The following SLC24A3 variants were observed in gnomAD, a reference collection of about 807,000 sequenced individuals.
The protein encoded by SLC24A3 is solute carrier family 24 member 3, also known as sodium/potassium/calcium exchanger 3.
Under a neutral mutation model 75.8 loss-of-function variants are expected in SLC24A3, and 28 were observed. The observed-to-expected ratio is 0.37, with a 90% confidence interval of 0.27 to 0.51. SLC24A3 has a LOEUF of 0.51. Ranked by LOEUF, SLC24A3 falls within the 20% of genes least tolerant of loss-of-function variation. SLC24A3 has a pLI of 0.94. For missense variants in SLC24A3, 663 were observed against 847.8 expected, an observed-to-expected ratio of 0.78 and a Z score of 2.71; for synonymous variants, 372 against 334.1, an observed-to-expected ratio of 1.11 and a Z score of -1.24.
intron 1 of SLC24A3, among the ~76,000 whole-genome samples, chr20:19,238,550 T>C (rs954144684): frequency 6.6e-6 from 1 of 152,202 alleles, no homozygotes; most frequent in South Asian, 2.1e-4. Flanking sequence ...TTTTCCAACA[T>C]GGAGGTACCT....
intron 9 of SLC24A3, among the ~76,000 whole-genome samples, chr20:19,677,731 T>C (rs1394080763): frequency 6.7e-6 from 1 of 150,102 alleles, no homozygotes; most frequent in Non-Finnish European, 1.5e-5. Context: ...TTTTTATTGA[T>C]CATTCTTGGG....
In SLC24A3 at chr20:19,269,137, T is replaced by C. The variant is rs566193220; in HGVS notation, c.143-11822T>C. On this transcript the variant is annotated intron_variant, in intron 1 of 16. Transcript: ENST00000328041. ...AGATTTGCATCAATAAAATTAAAAATTCAGCTTCCAGTTGTATAGTCTTAT... is the reference window on the plus strand; with the variant it reads ...AGATTTGCATCAATAAAATTAAAAACTCAGCTTCCAGTTGTATAGTCTTAT... 1.5e-4 allele frequency among the ~76,000 whole-genome samples: 23 copies of C among 152,330 alleles called. No homozygotes were observed. In the South Asian group the frequency reaches 4.6e-3, roughly 30 times the overall value.
At chr20:19,312,801 C>A (rs1237934783) in intron 2 of SLC24A3, among the ~76,000 whole-genome samples, 1 of 152,078 alleles carries the variant, frequency 6.6e-6, no homozygotes, top group African/African-American at 2.4e-5. Context: ...TTCCCATGTG[C>A]TTCTGAGGTT....
chr20:19,429,517 A>C (rs185540507), intron 2 of SLC24A3, among the ~76,000 whole-genome samples: 1 of 152,204 alleles, frequency 6.6e-6, no homozygotes, highest in Admixed American at 6.5e-5. Context: ...CATTCAGGAG[A>C]CACTGTTCTT....
chr20:19,259,598 C>T (rs900231082), intron 1 of SLC24A3, among the ~76,000 whole-genome samples: 4 of 152,176 alleles, frequency 2.6e-5, no homozygotes, highest in African/African-American at 4.8e-5. Flanking sequence ...TGGAACACAT[C>T]GAGCTTGACC....
intron 1 of SLC24A3, among the ~76,000 whole-genome samples, chr20:19,277,764 T>A (rs960822634): frequency 6.6e-6 from 1 of 152,246 alleles, no homozygotes; most frequent in Non-Finnish European, 1.5e-5. Flanking sequence ...TAGCTGGCTT[T>A]ATTTTTACAT....
intron 6 of SLC24A3, among the ~76,000 whole-genome samples, chr20:19,634,337 A>G (rs1305182354): frequency 6.6e-6 from 1 of 152,178 alleles, no homozygotes; most frequent in Non-Finnish European, 1.5e-5. Flanking sequence ...TCTCATTTAC[A>G]GATGCTAGTT....
intron 1 of SLC24A3, among the ~76,000 whole-genome samples, chr20:19,264,736 A>AC (rs1482977194): frequency 1.3e-5 from 2 of 151,012 alleles, no homozygotes; most frequent in Non-Finnish European, 3.0e-5. Flanking sequence ...CTCAAAAAAA[A>AC]AAAAAAAAAC....
intron 2 of SLC24A3, among the ~76,000 whole-genome samples, chr20:19,458,227 G>A (rs1158265046): frequency 1.3e-5 from 2 of 152,064 alleles, no homozygotes; most frequent in African/African-American, 2.4e-5. Context: ...GTGTGTTTCC[G>A]TATTCTTTTT....
intron 3 of SLC24A3, among the ~76,000 whole-genome samples, chr20:19,562,766 C>G (rs1355311471): frequency 6.6e-6 from 1 of 152,156 alleles, no homozygotes; most frequent in African/African-American, 2.4e-5. Flanking sequence ...CTTGTTAGCT[C>G]TTTGTACCTA....
intron 12 of SLC24A3, among the ~76,000 whole-genome samples, chr20:19,688,020 G>A (rs550340553): frequency 1.4e-4 from 22 of 152,278 alleles, no homozygotes; most frequent in African/African-American, 5.3e-4. Context: ...CAGGAGAGAA[G>A]AGACGATACT....
intron 2 of SLC24A3, among the ~76,000 whole-genome samples, chr20:19,426,883 C>A (rs1313875117): frequency 6.6e-6 from 1 of 151,828 alleles, no homozygotes; most frequent in Non-Finnish European, 1.5e-5. Flanking sequence ...AGGCTAGAGG[C>A]TTGGCCCTTG....
chr20:19,649,591 T>C (rs6035399), intron 6 of SLC24A3, among the ~76,000 whole-genome samples: 2 of 151,950 alleles, frequency 1.3e-5, no homozygotes, highest in Non-Finnish European at 2.9e-5. Context: ...CTGTTTTTTG[T>C]TTTTTTTGTT....
At chr20:19,606,589 A>T (rs910411238) in intron 6 of SLC24A3, among the ~76,000 whole-genome samples, 7 of 152,216 alleles carry the variant, frequency 4.6e-5, no homozygotes, top group African/African-American at 1.7e-4. Flanking sequence ...TCAGGGAAGT[A>T]ACCGCTTCTT....
intron 3 of SLC24A3, among the ~76,000 whole-genome samples, chr20:19,575,168 C>A (rs377504842): frequency 1.2e-4 from 17 of 143,434 alleles, no homozygotes; most frequent in African/African-American, 4.3e-4. Flanking sequence ...AGGAGGATTT[C>A]TTGAGTCTGG....
Position 19,656,376 on chromosome 20 carries a change from G to A in SLC24A3, c.687+2240G>A, listed in dbSNP as rs372734072. Among the ~76,000 whole-genome samples, 554 of 98,236 alleles carry A rather than the reference G, an allele frequency of 5.6e-3. 2 individuals carry two copies. Among genetic ancestry groups the A allele is most frequent in the African/African-American group, 0.02 (532 of 27,160 alleles). The allele number at this position is 98,236 out of a possible 152,430, so 64.4% of individuals were successfully genotyped here. A position where few individuals can be genotyped will look rare whatever the true frequency, so the allele number is the denominator to read the frequency against. ...GGAGGGTTAGAACCCACCCCACAGA[G>A]CAGAGAGGTTCATGCTGGAACTGAA... On this transcript the variant is annotated intron_variant, in intron 7 of 16. Coordinates refer to ENST00000328041, the MANE Select transcript of SLC24A3 (RefSeq NM_020689.4).
chr20:19,612,209 C>A (rs1417267504), intron 6 of SLC24A3, among the ~76,000 whole-genome samples: 1 of 152,184 alleles, frequency 6.6e-6, no homozygotes, highest in Non-Finnish European at 1.5e-5. Flanking sequence ...CTCTAACAAA[C>A]CTTGGGGCCA....
At chr20:19,437,865 C>T (rs1405494415) in intron 2 of SLC24A3, among the ~76,000 whole-genome samples, 3 of 152,164 alleles carry the variant, frequency 2.0e-5, no homozygotes, top group African/African-American at 4.8e-5. Context: ...GGTCATGCTT[C>T]CCTCTCCCAG....
intron 2 of SLC24A3, among the ~76,000 whole-genome samples, chr20:19,317,450 C>T (rs1412170847): frequency 2.0e-5 from 3 of 152,180 alleles, no homozygotes; most frequent in African/African-American, 7.2e-5. Context: ...AAGATGACTC[C>T]CCTGTGACCT....
Sources: gnomAD v4.1 joint callset for allele counts (sites outside exome capture counted in the v4.1 genomes callset) on GRCh38, gnomAD v4.1.1 for gene constraint, MANE v1.5 for transcripts, NCBI Gene and HGNC (gene_info 2026-07-23, HGNC 2026-07-21) for gene names.